CLIC5: variants seen among roughly 807,000 people sequenced by gnomAD.
The protein encoded by CLIC5 is CLIC family member 5, also known as chloride intracellular channel protein 5.
CLIC5 carries 20 observed loss-of-function variants against 24.7 expected under a neutral mutation model. The observed-to-expected ratio is 0.81, with a 90% CI of 0.57 to 1.18. The LOEUF is 1.18. Ranked by LOEUF, CLIC5 falls within the 50% of genes most tolerant of loss-of-function variation. CLIC5 has a pLI of 0.00. For synonymous variants in CLIC5, 159 were observed against 135.6 expected (o/e 1.17, Z -1.20); for missense variants, 341 against 326.1 (o/e 1.05, Z -0.35).
chr6:46,083,230 C>A (rs530898731), upstream of CLIC5, among the ~76,000 whole-genome samples: 1 of 152,318 alleles, frequency 6.6e-6, no homozygotes, highest in East Asian at 1.9e-4. Context: ...GCTCAGTTTT[C>A]TGAGCCATTA....
intron 1 of CLIC5, among the ~76,000 whole-genome samples, chr6:45,985,779 T>C (rs966758340): frequency 6.6e-6 from 1 of 152,130 alleles, no homozygotes; most frequent in African/African-American, 2.4e-5. Flanking sequence ...AAGGGTCAGA[T>C]CTAAGTAAAG....
At position 45,995,534 on chromosome 6, in the gene CLIC5, A is replaced by T. The variant is rs113234337; in HGVS notation, c.63+19946T>A. Among the ~76,000 whole-genome samples the T allele has an allele frequency of 5.0e-3, 763 of 152,306 alleles. 6 individuals carry two copies. The highest frequency in any genetic ancestry group is 0.018 in the African/African-American group (734 of 41,568). ...CTGTGTTCATACAAGCCCTACCTAC[A>T]ATACTGGGTTGACATTTCTGTTTTC... is the stretch of plus-strand genomic sequence containing the variant. On this transcript the variant is annotated intron_variant, in intron 1 of 5. Coordinates refer to ENST00000339561, the MANE Select transcript of CLIC5 (RefSeq NM_016929.5).
chr6:46,096,019 A>G, the CLIC5 span, among the ~76,000 whole-genome samples: 1 of 152,206 alleles, frequency 6.6e-6, no homozygotes, highest in African/African-American at 2.4e-5. Context: ...TACAATATAT[A>G]CAGGAAGCAT....
chr6:45,986,729 T>C (rs1765750866), intron 1 of CLIC5, among the ~76,000 whole-genome samples: 2 of 151,960 alleles, frequency 1.3e-5, no homozygotes, highest in South Asian at 4.2e-4. Flanking sequence ...GAGCTGAGAT[T>C]TCCTCTGTGC....
At chr6:46,027,932 C>A (rs1182651854) in intron 1 of CLIC5, among the ~76,000 whole-genome samples, 1 of 152,114 alleles carries the variant, frequency 6.6e-6, no homozygotes, top group Non-Finnish European at 1.5e-5. Context: ...TTCTTTTTTA[C>A]CTTGCTCTTT....
intron 1 of CLIC5, among the ~76,000 whole-genome samples, chr6:46,029,197 TAAC>T (rs1405207071): frequency 6.6e-6 from 1 of 152,340 alleles, no homozygotes; most frequent in South Asian, 2.1e-4. Flanking sequence ...AGCAGACACT[TAAC>T]AAGCAGTTGT....
chr6:45,910,046 T>C (rs542437188), intron 5 of CLIC5, among the ~76,000 whole-genome samples: 19 of 152,346 alleles, frequency 1.2e-4, no homozygotes, highest in South Asian at 4.1e-4. Flanking sequence ...GAACATTTTT[T>C]CCCCTCTATG....
downstream of CLIC5, among the ~76,000 whole-genome samples, chr6:45,898,175 C>T (rs1762423305): frequency 6.6e-6 from 1 of 152,100 alleles, no homozygotes; most frequent in South Asian, 2.1e-4. Context: ...CAGGTTCAAG[C>T]AATTCTCCTG....
At chr6:46,034,941 A>G (rs1767620242) in intron 1 of CLIC5, among the ~76,000 whole-genome samples, 1 of 152,188 alleles carries the variant, frequency 6.6e-6, no homozygotes, top group Non-Finnish European at 1.5e-5. Context: ...CACTTCTCCA[A>G]TTCATAGTTT....
chr6:46,070,737 A>G (rs1762571925), intron 1 of CLIC5, among the ~76,000 whole-genome samples: 1 of 152,170 alleles, frequency 6.6e-6, no homozygotes, highest in Admixed American at 6.6e-5. Context: ...TTAAAAATTC[A>G]TATGAAGCCA....
chr6:46,114,704 T>C, the CLIC5 span, among the ~76,000 whole-genome samples: 6 of 152,220 alleles, frequency 3.9e-5, no homozygotes, highest in Non-Finnish European at 5.9e-5. Context: ...TTCAGAATTA[T>C]GAGAAAATAA....
chr6:46,099,098 A>C, the CLIC5 span, among the ~76,000 whole-genome samples: 25 of 152,256 alleles, frequency 1.6e-4, no homozygotes, highest in Non-Finnish European at 3.1e-4. Context: ...AAGGGACAGA[A>C]AATGGCTAAA....
At chr6:45,969,099 TGAGTA>T (rs1561972218) in intron 1 of CLIC5, among the ~76,000 whole-genome samples, 1 of 152,208 alleles carries the variant, frequency 6.6e-6, no homozygotes, top group East Asian at 1.9e-4. Flanking sequence ...TTCCAATGGC[TGAGTA>T]GAGACTCCAC....
chr6:46,034,055 T>C (rs1562016118), intron 1 of CLIC5, among the ~76,000 whole-genome samples: 1 of 152,228 alleles, frequency 6.6e-6, no homozygotes, highest in Non-Finnish European at 1.5e-5. Flanking sequence ...CTATTGGAAA[T>C]GATGCCAGAG....
At chr6:46,115,979 T>C in the CLIC5 span, among the ~76,000 whole-genome samples, 1 of 152,230 alleles carries the variant, frequency 6.6e-6, no homozygotes, top group African/African-American at 2.4e-5. Flanking sequence ...TGGATATAAT[T>C]ATAAAAACTC....
chr6:46,013,162 A>G (rs1368393519), intron 1 of CLIC5, among the ~76,000 whole-genome samples: 2 of 152,234 alleles, frequency 1.3e-5, no homozygotes, highest in Non-Finnish European at 2.9e-5. Flanking sequence ...AGTCATGACT[A>G]TAACTGGGTG....
At chr6:45,918,674 G>T (rs1333129129) in intron 4 of CLIC5, among the ~76,000 whole-genome samples, 1 of 152,234 alleles carries the variant, frequency 6.6e-6, no homozygotes, top group African/African-American at 2.4e-5. Flanking sequence ...TAGATTGGAT[G>T]GGTGTCTGTT....
chr6:46,035,997 G>A (rs897062667), intron 1 of CLIC5, among the ~76,000 whole-genome samples: 2 of 151,826 alleles, frequency 1.3e-5, no homozygotes, highest in South Asian at 2.1e-4. Context: ...TGCCTGCCTC[G>A]GCCTCCCAAA....
At chr6:45,942,727 A>C (rs3777580) in intron 3 of CLIC5, among the ~76,000 whole-genome samples, 70,674 of 152,122 alleles carry the variant, frequency 0.46, 18,406 homozygotes, top group African/African-American at 0.69. Context: ...CTTTTTTGTT[A>C]CTCAACTGGC....
Sources: allele counts gnomAD v4.1 joint callset (sites outside exome capture counted in the v4.1 genomes callset), GRCh38; gene constraint gnomAD v4.1.1; transcripts MANE v1.5; gene names NCBI Gene and HGNC (gene_info 2026-07-23, HGNC 2026-07-21).